Variants in CADM1 observed in about 807,000 individuals in gnomAD.
CADM1 encodes TSLC-1.
Under a neutral mutation model 53.1 loss-of-function variants are expected in CADM1, and 15 were observed. The ratio of observed to expected loss-of-function variants is 0.28; its 90% CI spans 0.19 to 0.44. The LOEUF is 0.44. Ranked by LOEUF, CADM1 falls within the 20% of genes least tolerant of loss-of-function variation. The pLI is 1.00. For synonymous variants in CADM1, 281 were observed against 243.0 expected (o/e 1.16, Z -1.45); for missense variants, 434 against 611.3 (o/e 0.71, Z 3.06).
At position 115,383,716 on chromosome 11, in the gene CADM1, G is replaced by A. The variant is rs191772852; in HGVS notation, c.124+120555C>T. The stretch of plus-strand genomic sequence containing the variant: ...AGTGCAAAAAAGTTTATAAAAATTG[G>A]GTTGGAATTTTAGAGAGTCTCTAAC... On this transcript the variant is annotated intron_variant, in intron 1 of 11. Coordinates refer to ENST00000331581, the MANE Select transcript of CADM1 (RefSeq NM_001301043.2). Among the ~76,000 whole-genome samples the A allele has an allele frequency of 7.9e-5, 12 of 152,166 alleles. No individual in the cohort carries two copies. In the East Asian group the frequency reaches 1.9e-3, roughly 24 times the overall value.
At chr11:115,378,978 A>G (rs1472955721) in intron 1 of CADM1, among the ~76,000 whole-genome samples, 3 of 152,214 alleles carry the variant, frequency 2.0e-5, no homozygotes, top group Non-Finnish European at 4.4e-5. Flanking sequence ...AGCAATCCTG[A>G]TATTTAGTAA....
At chr11:115,373,017 GCT>G in intron 1 of CADM1, among the ~76,000 whole-genome samples, 1 of 152,196 alleles carries the variant, frequency 6.6e-6, no homozygotes, top group Non-Finnish European at 1.5e-5. Context: ...GACATAAATT[GCT>G]CTGATATTTT....
chr11:115,397,558 T>A (rs1947032351), intron 1 of CADM1: 1 of 152,188 alleles, frequency 6.6e-6, no homozygotes, highest in African/African-American at 2.4e-5. Flanking sequence ...GTTCCATCAC[T>A]AAACTGATAT....
intron 1 of CADM1, among the ~76,000 whole-genome samples, chr11:115,346,906 C>T (rs1410228427): frequency 2.0e-5 from 3 of 151,538 alleles, no homozygotes; most frequent in Non-Finnish European, 4.4e-5. Flanking sequence ...TATGTATAGC[C>T]GTATTTAACA....
intron 1 of CADM1, among the ~76,000 whole-genome samples, chr11:115,257,657 G>A (rs1942836049): frequency 6.6e-6 from 1 of 152,210 alleles, no homozygotes; most frequent in Non-Finnish European, 1.5e-5. Flanking sequence ...TATGAAGAAT[G>A]TAGGGCTTGT....
At position 115,217,959 on chromosome 11, in the gene CADM1, G is replaced by T; in HGVS notation, c.754C>A (p.Pro252Thr). The change falls in exon 6 of 12, where the codon CCT becomes ACT. Residue 252 changes from proline (P) to threonine (T), a missense_variant. Transcript: ENST00000331581. ...KPQVHIQMTY[P>T]LQGLTREGDA... is the part of the protein sequence containing the mutation. Reference sequence around the variant, plus strand: ...CCTTCCCGGGTTAAGCCTTGTAGAGGATAAGTCATCTGAATGTGCACTTGA... The same window carrying T: ...CCTTCCCGGGTTAAGCCTTGTAGAGTATAAGTCATCTGAATGTGCACTTGA... The T allele has an allele frequency of 1.2e-6, 2 of 1,613,410 alleles. No homozygotes were observed. The highest frequency in any genetic ancestry group is 1.7e-6 in the Non-Finnish European group (2 of 1,179,494).
rs10160426 is a variant in CADM1, at chr11:115,281,286, T to C, written c.125-40866A>G. Among the ~76,000 whole-genome samples the C allele has an allele frequency of 4.9e-3, 744 of 152,286 alleles. 8 individuals are homozygous for C. Among genetic ancestry groups the C allele is most frequent in the African/African-American group, 0.017 (717 of 41,558 alleles). On this transcript the variant is annotated intron_variant, in intron 1 of 11. Coordinates refer to ENST00000331581, the MANE Select transcript of CADM1 (RefSeq NM_001301043.2). ...GCAGGCTCTTTTGTAGCACAGGGAA[T>C]GCCCAGGAACTCCCAATAAAAATAA...
intron 1 of CADM1, among the ~76,000 whole-genome samples, chr11:115,316,789 T>C (rs1190401083): frequency 5.3e-5 from 8 of 152,178 alleles, no homozygotes; most frequent in Admixed American, 5.2e-4. Flanking sequence ...AGAAGCCATC[T>C]TAAGGAAGTG....
At chr11:115,200,957 A>G (rs1250708128) in intron 8 of CADM1, among the ~76,000 whole-genome samples, 1 of 152,194 alleles carries the variant, frequency 6.6e-6, no homozygotes, top group Non-Finnish European at 1.5e-5. Context: ...TTTAAGATGA[A>G]ATTAAACCAA....
intron 3 of CADM1, among the ~76,000 whole-genome samples, chr11:115,233,816 G>C (rs1941912800): frequency 6.6e-6 from 1 of 152,180 alleles, no homozygotes; most frequent in South Asian, 2.1e-4. Flanking sequence ...AACTGTAATG[G>C]AGCAATGTAA....
At chr11:115,501,863 A>T (rs903859077) in intron 1 of CADM1, among the ~76,000 whole-genome samples, 2 of 152,064 alleles carry the variant, frequency 1.3e-5, no homozygotes, top group African/African-American at 4.8e-5. Context: ...GGGGTATGGG[A>T]CCCCGGAATG....
Position 115,173,473 on chromosome 11 carries a change from G to C in CADM1, c.*3001C>G, listed in dbSNP as rs1389975266. On this transcript the variant is annotated 3_prime_UTR_variant, in exon 12 of 12. Transcript: ENST00000331581. ...ATGAGCGGAGAAGGAGAGAGAGCGC[G>C]GCCCCCAGCAACCCAGCCGGCAGCA... 1 of 152,384 alleles carries C rather than the reference G, an allele frequency of 6.6e-6. No individual in the cohort carries two copies. Among genetic ancestry groups the C allele is most frequent in the Non-Finnish European group, 1.5e-5 (1 of 68,242 alleles). 9.4% of individuals were successfully genotyped at this position (152,384 alleles called of 1,614,324 possible).
chr11:115,220,600 T>C (rs944254531), intron 5 of CADM1, among the ~76,000 whole-genome samples: 1 of 152,076 alleles, frequency 6.6e-6, no homozygotes, highest in Admixed American at 6.6e-5. Context: ...TACAGAAAAA[T>C]GTTCCCCTCT....
intron 1 of CADM1, among the ~76,000 whole-genome samples, chr11:115,394,849 G>A (rs866146779): frequency 1.3e-5 from 2 of 151,860 alleles, no homozygotes; most frequent in East Asian, 3.9e-4. Context: ...TTAAAAAGTA[G>A]AAAATAAAAA....
intron 5 of CADM1, among the ~76,000 whole-genome samples, chr11:115,227,900 C>T (rs1393572364): frequency 1.3e-5 from 2 of 152,308 alleles, no homozygotes; most frequent in East Asian, 3.9e-4. Flanking sequence ...AAGATAAGTC[C>T]ATGTTCTAAC....
At chr11:115,288,139 C>T (rs1189123714) in intron 1 of CADM1, among the ~76,000 whole-genome samples, 2 of 152,040 alleles carry the variant, frequency 1.3e-5, no homozygotes, top group Non-Finnish European at 2.9e-5. Flanking sequence ...TCATTCTAGG[C>T]AAATGGAGCA....
chr11:115,265,537 T>C (rs1943110214), intron 1 of CADM1, among the ~76,000 whole-genome samples: 1 of 152,260 alleles, frequency 6.6e-6, no homozygotes, highest in Admixed American at 6.5e-5. Flanking sequence ...CTCATATTTT[T>C]ACGTGCTCCA....
intron 1 of CADM1, among the ~76,000 whole-genome samples, chr11:115,301,744 C>T (rs772791467): frequency 3.3e-5 from 5 of 152,018 alleles, no homozygotes; most frequent in Non-Finnish European, 7.4e-5. Flanking sequence ...TTCAATTTCT[C>T]TAAGTCTCAC....
At position 115,198,449 on chromosome 11, in the gene CADM1, G is replaced by C; in HGVS notation, c.1079-11C>G. ...TCGTCGCCGTTGTGTCTACAGACGG[G>C]AACAGAGGATTGGAGGAAGGGAAGA... On this transcript the variant is annotated splice_polypyrimidine_tract_variant and intron_variant, in intron 8 of 11. Transcript: ENST00000331581. 1 of 1,594,802 alleles carries C rather than the reference G, an allele frequency of 6.3e-7. No individual in the cohort carries two copies. Among genetic ancestry groups the C allele is most frequent in the Non-Finnish European group, 8.5e-7 (1 of 1,177,906 alleles).
Sources: gnomAD v4.1 joint callset for allele counts (sites outside exome capture counted in the v4.1 genomes callset) on GRCh38, gnomAD v4.1.1 for gene constraint, MANE v1.5 for transcripts, NCBI Gene and HGNC (gene_info 2026-07-23, HGNC 2026-07-21) for gene names.